The following LRRC49 variants were observed in gnomAD, a reference collection of about 807,000 sequenced individuals.
LRRC49 encodes the protein leucine rich repeat containing 49.
In LRRC49, 50 loss-of-function variants were observed where a neutral mutation model predicts 83.3. The observed-to-expected ratio is 0.60, with a 90% CI of 0.48 to 0.76. LRRC49 has a LOEUF of 0.76. LRRC49 is among the 30% of genes least tolerant of loss of function. The pLI is 0.00. For synonymous variants in LRRC49, 286 were observed against 283.3 expected (o/e 1.01, Z -0.10); for missense variants, 704 against 809.1 (o/e 0.87, Z 1.58).
intron 7 of LRRC49, among the ~76,000 whole-genome samples, chr15:70,934,313 T>C (rs1283656800): frequency 6.6e-6 from 1 of 152,184 alleles, no homozygotes; most frequent in African/African-American, 2.4e-5. Context: ...ATCACAGAAT[T>C]GCTAAAAAAT....
intron 14 of LRRC49, among the ~76,000 whole-genome samples, chr15:71,034,019 G>A (rs1173156379): frequency 6.6e-6 from 1 of 152,018 alleles, no homozygotes; most frequent in African/African-American, 2.4e-5. Flanking sequence ...TGCCACAAAA[G>A]CAAAAATTGA....
chr15:71,032,907 A>G (rs111962657), intron 14 of LRRC49, among the ~76,000 whole-genome samples: 2,976 of 152,312 alleles, frequency 0.02, 93 homozygotes, highest in African/African-American at 0.068. Flanking sequence ...TCAATATCAT[A>G]CTGAATGGTC....
chr15:70,869,450 T>C (rs1189652824), intron 1 of LRRC49, among the ~76,000 whole-genome samples: 1 of 152,162 alleles, frequency 6.6e-6, no homozygotes, highest in African/African-American at 2.4e-5. Flanking sequence ...TAGGGACATG[T>C]GATCCAGGGT....
intron 7 of LRRC49, among the ~76,000 whole-genome samples, chr15:70,926,665 C>T (rs1041141140): frequency 6.6e-6 from 1 of 151,844 alleles, no homozygotes; most frequent in East Asian, 1.9e-4. Flanking sequence ...ATATCCCTAC[C>T]CCTTCCCCCC....
chr15:70,867,441 T>C (rs1534617), intron 1 of LRRC49, among the ~76,000 whole-genome samples: 49,072 of 152,042 alleles, frequency 0.32, 8,726 homozygotes, highest in Non-Finnish European at 0.4. Flanking sequence ...ATGGCCATTT[T>C]TGGAGCAATT....
In LRRC49 at chr15:71,050,676, T is replaced by C. The variant is rs1271107233; in HGVS notation, c.*1064T>C. On this transcript the variant is annotated 3_prime_UTR_variant, in exon 16 of 16. Coordinates refer to ENST00000260382, the MANE Select transcript of LRRC49 (RefSeq NM_017691.5). ...ACGACAGCAAAGACATGCAGAGACA[T>C]GCAGAGACACCTGGAAGGAAGCTAG... 6.6e-6 allele frequency: 1 copy of C among 152,102 alleles called. No individual in the cohort carries two copies. Among genetic ancestry groups the C allele is most frequent in the African/African-American group, 2.4e-5 (1 of 41,404 alleles). The allele number at this position is 152,102 out of a possible 1,614,324, so 9.4% of individuals were successfully genotyped here.
chr15:70,964,525 C>G (rs2036724783), intron 9 of LRRC49, among the ~76,000 whole-genome samples: 1 of 152,088 alleles, frequency 6.6e-6, no homozygotes, highest in Admixed American at 6.6e-5. Context: ...GTAGCTACCT[C>G]TTTTTATTCA....
chr15:70,944,732 C>A (rs1200511668), intron 8 of LRRC49, among the ~76,000 whole-genome samples: 1 of 152,162 alleles, frequency 6.6e-6, no homozygotes, highest in Non-Finnish European at 1.5e-5. Context: ...CTTATCATTT[C>A]TATCTATTCA....
intron 1 of LRRC49, among the ~76,000 whole-genome samples, chr15:70,856,579 G>A (rs2032659436): frequency 1.3e-5 from 2 of 152,148 alleles, no homozygotes; most frequent in Admixed American, 1.3e-4. Flanking sequence ...AAACTTGCAC[G>A]GAATGTTTAA....
chr15:70,913,916 A>G (rs1379281659), intron 6 of LRRC49, among the ~76,000 whole-genome samples: 1 of 152,040 alleles, frequency 6.6e-6, no homozygotes, highest in East Asian at 1.9e-4. Flanking sequence ...TTATTTACCA[A>G]TCATTATGTT....
intron 8 of LRRC49, among the ~76,000 whole-genome samples, chr15:70,945,968 AGTT>A (rs1402508724): frequency 1.3e-5 from 2 of 152,158 alleles, no homozygotes; most frequent in African/African-American, 4.8e-5. Flanking sequence ...AACAAATAAA[AGTT>A]GTATATATTT....
At chr15:70,966,141 T>C (rs1036061038) in intron 9 of LRRC49, among the ~76,000 whole-genome samples, 4 of 152,160 alleles carry the variant, frequency 2.6e-5, no homozygotes, top group African/African-American at 4.8e-5. Context: ...TTTTTTCTCT[T>C]TAAGAAACAA....
At chr15:70,970,188 C>T (rs933585548) in intron 9 of LRRC49, among the ~76,000 whole-genome samples, 5 of 151,812 alleles carry the variant, frequency 3.3e-5, no homozygotes, top group South Asian at 4.2e-4. Flanking sequence ...TAGCATGAAG[C>T]GGTATTGAAT....
At chr15:70,894,460 C>T in intron 2 of LRRC49, 8 of 331,608 alleles carry the variant, frequency 2.4e-5, no homozygotes, top group Non-Finnish European at 3.4e-5. Flanking sequence ...ATTTTTTTCC[C>T]CAAGATTATT....
At chr15:70,867,562 C>T (rs2032939403) in intron 1 of LRRC49, among the ~76,000 whole-genome samples, 1 of 152,114 alleles carries the variant, frequency 6.6e-6, no homozygotes, top group South Asian at 2.1e-4. Flanking sequence ...AAGTAACTTG[C>T]TAAAGGTTAT....
intron 14 of LRRC49, among the ~76,000 whole-genome samples, chr15:71,026,003 G>C (rs1567105962): frequency 6.6e-6 from 1 of 152,098 alleles, no homozygotes; most frequent in African/African-American, 2.4e-5. Flanking sequence ...CTTGAACTCA[G>C]CTCTGGATCA....
intron 1 of LRRC49, among the ~76,000 whole-genome samples, chr15:70,856,863 G>T (rs930990230): frequency 2.0e-5 from 3 of 152,138 alleles, no homozygotes; most frequent in African/African-American, 7.2e-5. Context: ...CATCATTTGT[G>T]TCACTGGTGA....
intron 5 of LRRC49, among the ~76,000 whole-genome samples, chr15:70,910,471 T>C (rs2034506063): frequency 6.6e-6 from 1 of 152,174 alleles, no homozygotes; most frequent in African/African-American, 2.4e-5. Flanking sequence ...AAGTGGTTCT[T>C]TGAGGCAGTA....
chr15:71,006,046 G>A (rs1160485384), intron 11 of LRRC49, among the ~76,000 whole-genome samples: 1 of 152,134 alleles, frequency 6.6e-6, no homozygotes, highest in Non-Finnish European at 1.5e-5. Context: ...TTTACTAGGT[G>A]CTAGTGAAAA....
Sources: allele counts gnomAD v4.1 joint callset (sites outside exome capture counted in the v4.1 genomes callset), GRCh38; gene constraint gnomAD v4.1.1; transcripts MANE v1.5; gene names NCBI Gene and HGNC (gene_info 2026-07-23, HGNC 2026-07-21).